Variants in KLF12 observed in about 807,000 individuals in gnomAD.
KLF12 encodes Krueppel-like factor 12.
KLF12 carries 9 observed loss-of-function variants against 37.8 expected under a neutral mutation model. The ratio of observed to expected loss-of-function variants is 0.24; its 90% CI spans 0.14 to 0.42. The LOEUF is 0.42. Ranked by LOEUF, KLF12 falls within the 10% of genes least tolerant of loss-of-function variation. KLF12 has a pLI of 1.00. For missense variants in KLF12, 411 were observed against 516.0 expected (o/e 0.80, Z 1.97); for synonymous variants, 208 against 202.1 (o/e 1.03, Z -0.25).
intron 1 of KLF12, among the ~76,000 whole-genome samples, chr13:74,072,851 C>G (rs1340210475): frequency 1.3e-5 from 2 of 152,192 alleles, no homozygotes; most frequent in African/African-American, 4.8e-5. Context: ...TGAAGGTTGT[C>G]AAGAAGTAGC....
At chr13:73,886,192 T>C (rs544891431) in intron 3 of KLF12, among the ~76,000 whole-genome samples, 2 of 152,276 alleles carry the variant, frequency 1.3e-5, no homozygotes, top group East Asian at 1.9e-4. Flanking sequence ...TCACATGCCA[T>C]GTATCCTCAA....
At chr13:74,300,540 G>T in the KLF12 span, among the ~76,000 whole-genome samples, 1 of 152,180 alleles carries the variant, frequency 6.6e-6, no homozygotes, top group African/African-American at 2.4e-5. Flanking sequence ...CTGTCTCTGG[G>T]CTGGTTTCAT....
At chr13:73,856,445 A>T (rs1885615018) in intron 3 of KLF12, among the ~76,000 whole-genome samples, 1 of 152,196 alleles carries the variant, frequency 6.6e-6, no homozygotes. Flanking sequence ...GAACTGTCTC[A>T]AAAGTCTTAA....
chr13:74,129,505 A>C (rs1593924345), intron 1 of KLF12, among the ~76,000 whole-genome samples: 1 of 152,206 alleles, frequency 6.6e-6, no homozygotes, highest in South Asian at 2.1e-4. Flanking sequence ...TGGGGAAACT[A>C]TCCCAAAGGT....
chr13:74,133,127 T>C (rs73214839), intron 1 of KLF12, among the ~76,000 whole-genome samples: 3,983 of 152,156 alleles, frequency 0.026, 78 homozygotes, highest in Non-Finnish European at 0.04. Context: ...CAAGTGACAG[T>C]TACACATCAT....
At chr13:73,946,717 T>G (rs1266818718) in intron 2 of KLF12, among the ~76,000 whole-genome samples, 2 of 152,228 alleles carry the variant, frequency 1.3e-5, no homozygotes, top group Non-Finnish European at 2.9e-5. Flanking sequence ...GCTGGGGAAC[T>G]AAGCTTCAAC....
At chr13:73,822,014 TGA>T (rs1478029898) in intron 4 of KLF12, among the ~76,000 whole-genome samples, 1 of 152,190 alleles carries the variant, frequency 6.6e-6, no homozygotes, top group African/African-American at 2.4e-5. Flanking sequence ...GTTTACTCCT[TGA>T]GAGGGGAGAC....
chr13:73,727,116 G>GT (rs138987072), intron 6 of KLF12, among the ~76,000 whole-genome samples: 6,420 of 149,702 alleles, frequency 0.043, 470 homozygotes, highest in African/African-American at 0.15. Context: ...TTTGTAAACT[G>GT]TTTTGTTTTT....
intron 1 of KLF12, among the ~76,000 whole-genome samples, chr13:73,997,698 A>AT (rs1189105305): frequency 6.6e-6 from 1 of 151,226 alleles, no homozygotes; most frequent in Non-Finnish European, 1.5e-5. Flanking sequence ...AAATCTTCCC[A>AT]AAGCACAGAA....
intron 1 of KLF12, among the ~76,000 whole-genome samples, chr13:74,046,200 G>A (rs887068741): frequency 6.6e-6 from 1 of 152,154 alleles, no homozygotes; most frequent in African/African-American, 2.4e-5. Flanking sequence ...TTCACTAATC[G>A]AAACAAAGAT....
chr13:74,171,816 T>A, the KLF12 span, among the ~76,000 whole-genome samples: 2 of 152,162 alleles, frequency 1.3e-5, no homozygotes, highest in Admixed American at 6.5e-5. Flanking sequence ...GCCACCCACA[T>A]CTGCAAAGAA....
chr13:73,857,190 C>CATTTCA (rs1307788254), intron 3 of KLF12, among the ~76,000 whole-genome samples: 1 of 152,072 alleles, frequency 6.6e-6, no homozygotes, highest in Admixed American at 6.5e-5. Flanking sequence ...ATATAGCAAC[C>CATTTCA]ATTTCAATTT....
the KLF12 span, among the ~76,000 whole-genome samples, chr13:74,233,857 C>A: frequency 2.6e-5 from 4 of 152,070 alleles, no homozygotes; most frequent in Admixed American, 1.3e-4. Flanking sequence ...ATACAAAAAT[C>A]ATTTGCTTTC....
At chr13:74,206,338 C>T in the KLF12 span, among the ~76,000 whole-genome samples, 1 of 152,136 alleles carries the variant, frequency 6.6e-6, no homozygotes, top group Non-Finnish European at 1.5e-5. Flanking sequence ...GTTATAAAAA[C>T]ATTGACTTTA....
chr13:74,165,299 C>CTTTTTTTTTTT, the KLF12 span, among the ~76,000 whole-genome samples: 1 of 98,312 alleles, frequency 1.0e-5, no homozygotes, highest in Non-Finnish European at 2.0e-5. Flanking sequence ...ATTTTCTTTT[C>CTTTTTTTTTTT]TTTTTTTTTT....
At chr13:74,122,247 AT>A (rs1380961908) in intron 1 of KLF12, among the ~76,000 whole-genome samples, 3 of 152,218 alleles carry the variant, frequency 2.0e-5, no homozygotes, top group South Asian at 2.1e-4. Context: ...ACAATAACCA[AT>A]TTTTTTAAAT....
At chr13:73,703,503 T>G (rs1457841751) in intron 7 of KLF12, among the ~76,000 whole-genome samples, 1 of 152,220 alleles carries the variant, frequency 6.6e-6, no homozygotes, top group Non-Finnish European at 1.5e-5. Context: ...CTGAATTGCC[T>G]GGACTGAATT....
chr13:74,286,308 C>G, the KLF12 span, among the ~76,000 whole-genome samples: 15 of 152,112 alleles, frequency 9.9e-5, no homozygotes, highest in Admixed American at 3.3e-4. Context: ...ATGATTAAAA[C>G]AAGGTAGGAT....
chr13:73,928,961 G>A (rs1889537539), intron 3 of KLF12, among the ~76,000 whole-genome samples: 1 of 152,096 alleles, frequency 6.6e-6, no homozygotes, highest in Non-Finnish European at 1.5e-5. Context: ...TCAATATTAG[G>A]ATCACTCTCC....
Sources: allele counts gnomAD v4.1 joint callset (sites outside exome capture counted in the v4.1 genomes callset), GRCh38; gene constraint gnomAD v4.1.1; transcripts MANE v1.5; gene names NCBI Gene and HGNC (gene_info 2026-07-23, HGNC 2026-07-21).